Variants in DSCAM observed in about 807,000 individuals in gnomAD.
The protein encoded by DSCAM is cell adhesion molecule DSCAM.
In DSCAM, 47 loss-of-function variants were observed where a neutral mutation model predicts 217.7. The observed-to-expected ratio is 0.22, with a 90% confidence interval of 0.17 to 0.28. DSCAM has a LOEUF of 0.28. Ranked by LOEUF, DSCAM falls within the 10% of genes least tolerant of loss-of-function variation. DSCAM has a pLI of 1.00. For synonymous variants in DSCAM, 1,056 were observed against 1,015.3 expected, an observed-to-expected ratio of 1.04 and a Z score of -0.76; for missense variants, 2,080 against 2,618.3, an observed-to-expected ratio of 0.79 and a Z score of 4.49.
chr21:40,155,908 G>A (rs192277533), intron 16 of DSCAM, among the ~76,000 whole-genome samples: 33 of 151,718 alleles, frequency 2.2e-4, no homozygotes, highest in Non-Finnish European at 4.1e-4. Context: ...CTTTCCACTG[G>A]GGAGGGCAGG....
intron 11 of DSCAM, chr21:40,212,506 C>A (rs1479633120): frequency 6.5e-6 from 1 of 154,000 alleles, no homozygotes; most frequent in Non-Finnish European, 1.5e-5. Flanking sequence ...AACGAGATGA[C>A]ACACCCCTGT....
intron 3 of DSCAM, among the ~76,000 whole-genome samples, chr21:40,458,762 T>C (rs1483010397): frequency 6.6e-6 from 1 of 152,128 alleles, no homozygotes; most frequent in Admixed American, 6.5e-5. Flanking sequence ...ATAATTCATA[T>C]TCCTTCCCGG....
intron 32 of DSCAM, among the ~76,000 whole-genome samples, chr21:40,039,089 G>C (rs1179671302): frequency 6.6e-6 from 1 of 151,930 alleles, no homozygotes; most frequent in Non-Finnish European, 1.5e-5. Flanking sequence ...AGTGGGTGCA[G>C]CGCACCAGAA....
rs553959591 is a variant in DSCAM, at chr21:40,411,885, A to G, written c.509-42640T>C. Among the ~76,000 whole-genome samples the G allele has an allele frequency of 1.7e-3, 266 of 152,268 alleles. 2 individuals are homozygous for G. The highest frequency in any genetic ancestry group is 3.1e-3 in the Non-Finnish European group (214 of 68,008). ...TAATATGGTTTGGCTCTGTGTCCCCACCCAAATCTCATCTTGTAGCTCCCA... is the reference window on the plus strand; with the variant it reads ...TAATATGGTTTGGCTCTGTGTCCCCGCCCAAATCTCATCTTGTAGCTCCCA... On this transcript the variant is annotated intron_variant, in intron 3 of 32. Transcript: ENST00000400454.
chr21:40,435,608 A>G (rs917354342), intron 3 of DSCAM, among the ~76,000 whole-genome samples: 1 of 151,202 alleles, frequency 6.6e-6, no homozygotes, highest in African/African-American at 2.4e-5. Flanking sequence ...TGCATATCCA[A>G]TTGCTCTTGT....
intron 3 of DSCAM, chr21:40,615,436 G>GA (rs1259370119): frequency 7.2e-6 from 1 of 139,696 alleles, no homozygotes; most frequent in Admixed American, 7.3e-5. Context: ...AATCTGAAAA[G>GA]AAAAAAAGAG....
At chr21:40,542,524 T>C (rs1340189262) in intron 3 of DSCAM, among the ~76,000 whole-genome samples, 1 of 152,166 alleles carries the variant, frequency 6.6e-6, no homozygotes, top group African/African-American at 2.4e-5. Context: ...CCCTCAAGAA[T>C]TGGATTAGTG....
chr21:40,186,886 A>G (rs953281902), intron 14 of DSCAM, among the ~76,000 whole-genome samples: 1 of 152,186 alleles, frequency 6.6e-6, no homozygotes, highest in African/African-American at 2.4e-5. Context: ...CAAGGAGTCC[A>G]GCAGGAAGCA....
intron 3 of DSCAM, among the ~76,000 whole-genome samples, chr21:40,538,827 A>G (rs2076520445): frequency 1.3e-5 from 2 of 152,086 alleles, no homozygotes; most frequent in South Asian, 2.1e-4. Context: ...ACAATGATAC[A>G]TTTCTGCTCT....
intron 28 of DSCAM, among the ~76,000 whole-genome samples, chr21:40,058,429 T>C (rs1422937157): frequency 6.6e-6 from 1 of 152,216 alleles, no homozygotes; most frequent in African/African-American, 2.4e-5. Context: ...TTATCCATTA[T>C]CTGCCTCTCT....
intron 3 of DSCAM, among the ~76,000 whole-genome samples, chr21:40,669,598 T>C (rs1041827378): frequency 1.3e-5 from 2 of 151,878 alleles, no homozygotes; most frequent in African/African-American, 4.8e-5. Flanking sequence ...ATATTTTTTT[T>C]TTTTTTTGAG....
At chr21:40,648,265 A>ACACACACACACACACC (rs1555876105) in intron 3 of DSCAM, among the ~76,000 whole-genome samples, 1 of 149,034 alleles carries the variant, frequency 6.7e-6, no homozygotes, top group African/African-American at 2.6e-5. Flanking sequence ...ACACACACAC[A>ACACACACACACACACC]CACACACACA....
rs148295830 is a variant in DSCAM, at chr21:40,624,492, A to G, written c.508+68318T>C. 8.2e-3 allele frequency among the ~76,000 whole-genome samples: 1,252 copies of G among 152,318 alleles called. 11 individuals carry two copies. The highest frequency in any genetic ancestry group is 0.028 in the African/African-American group (1,156 of 41,562). ...CAGAGGCAGGGATTACCAAAGTAGG[A>G]AAACAGAGCAGCCTCATCTCCAAGT... On this transcript the variant is annotated intron_variant, in intron 3 of 32. Transcript: ENST00000400454.
chr21:40,672,130 T>C (rs780989845), intron 3 of DSCAM, among the ~76,000 whole-genome samples: 8 of 152,194 alleles, frequency 5.3e-5, no homozygotes, highest in Non-Finnish European at 1.2e-4. Context: ...GGTTAGGTAC[T>C]GCCCTGATGC....
At chr21:40,116,731 G>A (rs183814478) in intron 20 of DSCAM, among the ~76,000 whole-genome samples, 14 of 151,248 alleles carry the variant, frequency 9.3e-5, no homozygotes, top group East Asian at 7.8e-4. Flanking sequence ...GACCGGGCGC[G>A]GTGGCTCACG....
chr21:40,386,111 A>ATTTAATGGCCTTGCAG (rs1414275144), intron 3 of DSCAM, among the ~76,000 whole-genome samples: 1 of 152,212 alleles, frequency 6.6e-6, no homozygotes, highest in Non-Finnish European at 1.5e-5. Flanking sequence ...GTGCACTGCA[A>ATTTAATGGCCTTGCAG]TTTAATGGCC....
intron 3 of DSCAM, among the ~76,000 whole-genome samples, chr21:40,644,281 C>T (rs1355441105): frequency 2.0e-5 from 3 of 152,218 alleles, no homozygotes; most frequent in Non-Finnish European, 4.4e-5. Flanking sequence ...TTTCTCACTT[C>T]AGCAAGCAGT....
intron 3 of DSCAM, among the ~76,000 whole-genome samples, chr21:40,528,147 G>C (rs558870945): frequency 1.3e-5 from 2 of 152,216 alleles, no homozygotes; most frequent in South Asian, 4.2e-4. Context: ...ATTTCACAAA[G>C]CTCTCCATGA....
chr21:40,551,326 A>G (rs2076628136), intron 3 of DSCAM, among the ~76,000 whole-genome samples: 1 of 152,216 alleles, frequency 6.6e-6, no homozygotes, highest in African/African-American at 2.4e-5. Flanking sequence ...TTTCTGATTG[A>G]CAATTGGTTG....
Sources: allele counts gnomAD v4.1 joint callset (sites outside exome capture counted in the v4.1 genomes callset), GRCh38; gene constraint gnomAD v4.1.1; transcripts MANE v1.5; gene names NCBI Gene and HGNC (gene_info 2026-07-23, HGNC 2026-07-21).